The following TMEM131 variants were observed in gnomAD, a reference collection of about 807,000 sequenced individuals.
TMEM131 encodes the protein transmembrane protein 131, also known as 2610524E03Rik.
A neutral mutation model predicts 211.6 loss-of-function variants in TMEM131; 66 were observed. The ratio of observed to expected loss-of-function variants is 0.31; its 90% confidence interval spans 0.26 to 0.38. TMEM131 has a LOEUF of 0.38. TMEM131 is among the 10% of genes least tolerant of loss of function. The probability of loss-of-function intolerance (pLI) is 1.00; values close to 1 mark genes in which losing one functional copy is unlikely to be tolerated. For synonymous variants in TMEM131, 844 were observed against 841.3 expected, an observed-to-expected ratio of 1.00 and a Z score of -0.06; for missense variants, 2,036 against 2,299.3, an observed-to-expected ratio of 0.89 and a Z score of 2.34.
intron 1 of TMEM131, among the ~76,000 whole-genome samples, chr2:97,970,969 G>C (rs1679272361): frequency 6.6e-6 from 1 of 152,126 alleles, no homozygotes; most frequent in Non-Finnish European, 1.5e-5. Context: ...CTATGGTGGG[G>C]GGAGTATAAA....
rs540598429 is a variant in TMEM131 at position 97,990,795 on chromosome 2, C to T, written c.187+4681G>A. On this transcript the variant is annotated intron_variant, in intron 1 of 40. Transcript: ENST00000186436. ...TCTCAGGTATAAAAAGTCCTATGCACTTTTTTCATATGCTTTGTAAATAGT... is the reference window on the plus strand; with the variant it reads ...TCTCAGGTATAAAAAGTCCTATGCATTTTTTTCATATGCTTTGTAAATAGT... Among the ~76,000 whole-genome samples, 6 of 152,260 alleles carry T rather than the reference C, an allele frequency of 3.9e-5. No homozygotes were observed. The East Asian group carries it at 1.2e-3, about 29-fold the overall frequency.
At chr2:97,858,836 G>A (rs1673950268) in intron 5 of TMEM131, among the ~76,000 whole-genome samples, 1 of 152,200 alleles carries the variant, frequency 6.6e-6, no homozygotes, top group Admixed American at 6.5e-5. Flanking sequence ...GAGTTTGGAA[G>A]TGATTTCCCC....
At chr2:97,904,176 C>T (rs1675974653) in intron 3 of TMEM131, among the ~76,000 whole-genome samples, 1 of 152,080 alleles carries the variant, frequency 6.6e-6, no homozygotes, top group African/African-American at 2.4e-5. Context: ...CTAGATTAAA[C>T]AGCAGTATGA....
At chr2:97,903,565 C>T (rs189974684) in intron 3 of TMEM131, among the ~76,000 whole-genome samples, 82 of 152,268 alleles carry the variant, frequency 5.4e-4, no homozygotes, top group African/African-American at 1.9e-3. Context: ...CAAAGAGACG[C>T]CAAGTGCTTC....
chr2:97,793,039 T>TAA, intron 30 of TMEM131, 55 bp from the exon 31 acceptor site: 1 of 1,300,526 alleles, frequency 7.7e-7, no homozygotes, highest in Non-Finnish European at 1.0e-6. Context: ...AATCTAATAT[T>TAA]AAAAAAAAAC....
At chr2:97,993,175 A>C (rs1474803232) in intron 1 of TMEM131, among the ~76,000 whole-genome samples, 1 of 152,258 alleles carries the variant, frequency 6.6e-6, no homozygotes, top group Non-Finnish European at 1.5e-5. Context: ...ATACAAACAT[A>C]CAAAATACCT....
intron 3 of TMEM131, among the ~76,000 whole-genome samples, chr2:97,901,642 T>C (rs76548953): frequency 0.014 from 2,186 of 152,290 alleles, 16 homozygotes; most frequent in Non-Finnish European, 0.022. Context: ...GCAACATAGA[T>C]GGAACTGGAG....
chr2:97,777,083 T>C (rs1679772300), intron 31 of TMEM131, among the ~76,000 whole-genome samples: 2 of 152,116 alleles, frequency 1.3e-5, no homozygotes, highest in South Asian at 2.1e-4. Context: ...GCTGGGAACA[T>C]AGTAGCAAAC....
At chr2:97,941,230 T>A (rs1326935927) in intron 1 of TMEM131, among the ~76,000 whole-genome samples, 1 of 152,164 alleles carries the variant, frequency 6.6e-6, no homozygotes, top group Non-Finnish European at 1.5e-5. Flanking sequence ...GGGAAAGGAT[T>A]CCCTATTTAA....
intron 11 of TMEM131, among the ~76,000 whole-genome samples, chr2:97,832,171 C>T (rs569351020): frequency 6.6e-6 from 1 of 152,248 alleles, no homozygotes; most frequent in South Asian, 2.1e-4. Context: ...TATCCTAAAA[C>T]TCCTTAGTGA....
At chr2:97,853,074 G>C (rs750568107) in intron 5 of TMEM131, among the ~76,000 whole-genome samples, 1 of 152,214 alleles carries the variant, frequency 6.6e-6, no homozygotes, top group African/African-American at 2.4e-5. Context: ...TGGTCACCCA[G>C]GAGCTCTGAT....
At chr2:97,904,101 T>C (rs11692470) in intron 3 of TMEM131, among the ~76,000 whole-genome samples, 47,121 of 152,080 alleles carry the variant, frequency 0.31, 8,635 homozygotes, top group Non-Finnish European at 0.39. Flanking sequence ...GTCTGAACCC[T>C]GGACCCCAAA....
At chr2:97,827,713 CT>C (rs1387785248) in intron 11 of TMEM131, among the ~76,000 whole-genome samples, 1 of 151,268 alleles carries the variant, frequency 6.6e-6, no homozygotes, top group Non-Finnish European at 1.5e-5. Flanking sequence ...AGTGTAAATG[CT>C]TTTTTTTAAG....
intron 36 of TMEM131, 55 bp from the exon 37 acceptor site, chr2:97,760,969 G>A (rs1678809357): frequency 6.2e-7 from 1 of 1,601,760 alleles, no homozygotes. Flanking sequence ...CCCTGTCTCG[G>A]GGAGGTGTGG....
intron 6 of TMEM131, among the ~76,000 whole-genome samples, chr2:97,842,862 C>T (rs1471917152): frequency 6.6e-6 from 1 of 152,124 alleles, no homozygotes; most frequent in Non-Finnish European, 1.5e-5. Flanking sequence ...CACGTACATG[C>T]TAAATGGGTA....
At chr2:97,852,205 A>G (rs1673653506) in intron 5 of TMEM131, among the ~76,000 whole-genome samples, 1 of 138,268 alleles carries the variant, frequency 7.2e-6, no homozygotes, top group Non-Finnish European at 1.5e-5. Context: ...CTTGATGCCC[A>G]GGCTGGAGTG....
chr2:97,958,795 A>C (rs1416385324), intron 1 of TMEM131, among the ~76,000 whole-genome samples: 1 of 152,278 alleles, frequency 6.6e-6, no homozygotes, highest in Non-Finnish European at 1.5e-5. Flanking sequence ...ACTTGGGGAA[A>C]GGGACACCAA....
chr2:97,938,107 G>GA (rs1677532143), intron 1 of TMEM131, among the ~76,000 whole-genome samples: 1 of 152,218 alleles, frequency 6.6e-6, no homozygotes, highest in African/African-American at 2.4e-5. Flanking sequence ...AGGCTAGGAA[G>GA]AAACTGTATC....
intron 11 of TMEM131, among the ~76,000 whole-genome samples, chr2:97,828,116 T>G (rs371550824): frequency 6.6e-6 from 1 of 152,354 alleles, no homozygotes; most frequent in East Asian, 1.9e-4. Flanking sequence ...TACGTGCTAT[T>G]GAGTTGTGAA....
Sources: gnomAD v4.1 joint callset for allele counts (sites outside exome capture counted in the v4.1 genomes callset) on GRCh38, gnomAD v4.1.1 for gene constraint, MANE v1.5 for transcripts, NCBI Gene and HGNC (gene_info 2026-07-23, HGNC 2026-07-21) for gene names.